The following NFIA variants were observed in gnomAD, a reference collection of about 807,000 sequenced individuals.
NFIA encodes nuclear factor I A, also known as nuclear factor 1 A-type.
Under a neutral mutation model 62.8 loss-of-function variants are expected in NFIA, and 8 were observed. The observed-to-expected ratio is 0.13, with a 90% CI of 0.07 to 0.23. The LOEUF is 0.23. NFIA is among the 10% of genes least tolerant of loss of function. The pLI, the probability that NFIA is intolerant of heterozygous loss-of-function variation, is 1.00. For synonymous variants in NFIA, 235 were observed against 238.1 expected, an observed-to-expected ratio of 0.99 and a Z score of 0.12; for missense variants, 410 against 642.1, an observed-to-expected ratio of 0.64 and a Z score of 3.91.
chr1:61,239,052 A>G (rs1366009572), intron 2 of NFIA, among the ~76,000 whole-genome samples: 1 of 152,228 alleles, frequency 6.6e-6, no homozygotes, highest in Non-Finnish European at 1.5e-5. Context: ...ATTAATGAAT[A>G]TTTTAAAATA....
intron 3 of NFIA, among the ~76,000 whole-genome samples, chr1:61,312,231 T>C (rs972219030): frequency 2.0e-5 from 3 of 152,156 alleles, no homozygotes; most frequent in Non-Finnish European, 2.9e-5. Context: ...GGAAGTAGAG[T>C]TCATGGAGGT....
At chr1:61,360,897 C>T (rs1303963586) in intron 6 of NFIA, among the ~76,000 whole-genome samples, 1 of 152,210 alleles carries the variant, frequency 6.6e-6, no homozygotes, top group Non-Finnish European at 1.5e-5. Context: ...AAAAATGTCT[C>T]TTTGCTTTGC....
At chr1:61,096,302 C>T (rs1379984054) in intron 2 of NFIA, among the ~76,000 whole-genome samples, 1 of 151,934 alleles carries the variant, frequency 6.6e-6, no homozygotes, top group Non-Finnish European at 1.5e-5. Context: ...CAATCTCTGC[C>T]TCCCTGGTTC....
At chr1:61,096,273 G>A (rs1646410358) in intron 2 of NFIA, among the ~76,000 whole-genome samples, 2 of 152,100 alleles carry the variant, frequency 1.3e-5, no homozygotes, top group Admixed American at 6.5e-5. Context: ...GAGTGCAGTG[G>A]CATGATCTCG....
chr1:61,415,867 C>T (rs1446091253), intron 9 of NFIA, among the ~76,000 whole-genome samples: 6 of 151,886 alleles, frequency 4.0e-5, no homozygotes, highest in Non-Finnish European at 7.4e-5. Flanking sequence ...GGCATATGAA[C>T]AAAAATGTAC....
chr1:61,083,515 C>T (rs1646158721), intron 1 of NFIA, among the ~76,000 whole-genome samples: 1 of 152,018 alleles, frequency 6.6e-6, no homozygotes, highest in Admixed American at 6.5e-5. Flanking sequence ...TGCGGCTAGC[C>T]CTCGGCTGAG....
chr1:61,385,467 C>T (rs747424669), intron 7 of NFIA, among the ~76,000 whole-genome samples: 1 of 152,018 alleles, frequency 6.6e-6, no homozygotes, highest in Non-Finnish European at 1.5e-5. Flanking sequence ...GGGTACAATA[C>T]TAATAATGAC....
Position 61,391,132 on chromosome 1 carries a change from C to T in NFIA, c.1075+7767C>T, listed in dbSNP as rs559307409. Among the ~76,000 whole-genome samples, 21 of 152,224 alleles carry T rather than the reference C, an allele frequency of 1.4e-4. No homozygotes were observed. In the East Asian group the frequency reaches 4.1e-3, roughly 29 times the overall value. ...CTGGAGTGCAGTGACTTGATCACAG[C>T]TCACTGCAGCCTCGACCTCCTAGGC... On this transcript the variant is annotated intron_variant, in intron 7 of 10. Coordinates refer to ENST00000403491, the MANE Select transcript of NFIA (RefSeq NM_001134673.4).
intron 2 of NFIA, among the ~76,000 whole-genome samples, chr1:61,259,267 T>C (rs1450640178): frequency 6.6e-6 from 1 of 152,222 alleles, no homozygotes; most frequent in Non-Finnish European, 1.5e-5. Context: ...TTTTTGTAAC[T>C]GGACTTTGTT....
chr1:61,236,178 AAGAG>A (rs1655003356), intron 2 of NFIA, among the ~76,000 whole-genome samples: 1 of 151,994 alleles, frequency 6.6e-6, no homozygotes, highest in Non-Finnish European at 1.5e-5. Flanking sequence ...AAAAGGTGGA[AAGAG>A]AGGGCAGAGA....
At chr1:61,199,778 T>G (rs1652292280) in intron 2 of NFIA, among the ~76,000 whole-genome samples, 1 of 151,436 alleles carries the variant, frequency 6.6e-6, no homozygotes, top group African/African-American at 2.4e-5. Flanking sequence ...GTGGGTCACT[T>G]GAGGTCAGGA....
At chr1:61,392,977 G>A (rs1665057891) in intron 7 of NFIA, among the ~76,000 whole-genome samples, 2 of 152,088 alleles carry the variant, frequency 1.3e-5, no homozygotes, top group Non-Finnish European at 2.9e-5. Context: ...CACAGGCATA[G>A]ACCCACGTAT....
intron 7 of NFIA, among the ~76,000 whole-genome samples, chr1:61,387,570 T>G (rs1664769859): frequency 6.6e-6 from 1 of 150,452 alleles, no homozygotes; most frequent in Non-Finnish European, 1.5e-5. Flanking sequence ...CTCACACTGC[T>G]TAAGCTCCTG....
At chr1:61,345,693 CT>C (rs1228763632) in intron 4 of NFIA, among the ~76,000 whole-genome samples, 1 of 152,150 alleles carries the variant, frequency 6.6e-6, no homozygotes, top group Non-Finnish European at 1.5e-5. Context: ...TGCGAAGGAC[CT>C]GGGTTGCAGC....
At chr1:61,318,817 C>T (rs1043340881) in intron 3 of NFIA, among the ~76,000 whole-genome samples, 4 of 151,942 alleles carry the variant, frequency 2.6e-5, no homozygotes, top group Non-Finnish European at 4.4e-5. Flanking sequence ...GGTTTTTGCC[C>T]GACTCAAGGT....
rs140277470 is a variant in NFIA at position 61,116,766 on chromosome 1, C to T, written c.559+28086C>T. ...CTGAGTCTTGAATTCTCATTTTAGA[C>T]ATCTGTTCAGAAGCTTTCTAAGCCA... is the stretch of plus-strand genomic sequence containing the variant. On this transcript the variant is annotated intron_variant, in intron 2 of 10. Coordinates refer to ENST00000403491, the MANE Select transcript of NFIA (RefSeq NM_001134673.4). 6.9e-3 allele frequency among the ~76,000 whole-genome samples: 1,057 copies of T among 152,292 alleles called. 47 individuals carry two copies. The highest frequency in any genetic ancestry group is 0.064 in the Admixed American group (981 of 15,302).
chr1:61,365,626 G>T (rs1449387167), intron 6 of NFIA, among the ~76,000 whole-genome samples: 1 of 152,158 alleles, frequency 6.6e-6, no homozygotes, highest in Non-Finnish European at 1.5e-5. Context: ...AAGCCAAGTT[G>T]TTGAATCCTT....
intron 10 of NFIA, among the ~76,000 whole-genome samples, chr1:61,436,689 C>T (rs1219712817): frequency 1.3e-5 from 2 of 152,156 alleles, no homozygotes; most frequent in African/African-American, 4.8e-5. Flanking sequence ...TTATTGAGGA[C>T]TTAGGCACAT....
At chr1:61,118,946 G>A (rs1016203536) in intron 2 of NFIA, among the ~76,000 whole-genome samples, 7 of 152,004 alleles carry the variant, frequency 4.6e-5, no homozygotes, top group Admixed American at 4.6e-4. Flanking sequence ...GAGGAGGATC[G>A]CTTTGATCTA....
Sources: allele counts gnomAD v4.1 joint callset (sites outside exome capture counted in the v4.1 genomes callset), GRCh38; gene constraint gnomAD v4.1.1; transcripts MANE v1.5; gene names NCBI Gene and HGNC (gene_info 2026-07-23, HGNC 2026-07-21).